FGF14: variants seen among roughly 807,000 people sequenced by gnomAD.
The protein encoded by FGF14 is fibroblast growth factor homologous factor 4.
In FGF14, 5 loss-of-function variants were observed where a neutral mutation model predicts 25.5. The ratio of observed to expected loss-of-function variants is 0.20; its 90% CI spans 0.10 to 0.41. The LOEUF (loss-of-function observed/expected upper bound fraction) is 0.41. Among genes scored for constraint, FGF14 ranks in the 10% least tolerant of loss-of-function variants. The pLI is 1.00. For missense variants in FGF14, 222 were observed against 320.1 expected, an observed-to-expected ratio of 0.69 and a Z score of 2.34; for synonymous variants, 138 against 118.3, an observed-to-expected ratio of 1.17 and a Z score of -1.08.
chr13:101,835,345 G>T (rs1246021834), intron 3 of FGF14, among the ~76,000 whole-genome samples: 7 of 151,898 alleles, frequency 4.6e-5, no homozygotes, highest in Admixed American at 4.6e-4. Flanking sequence ...CTGGACAGTT[G>T]CACATTTTTT....
At position 101,868,799 on chromosome 13, in the gene FGF14, G is replaced by A. The variant is rs990942466; in HGVS notation, c.334C>T (p.Arg112Cys). Residue 112 changes from arginine (R) to cysteine (C), a missense_variant, in exon 3 of 5, where the codon CGT becomes TGT. Arg to Cys is a radical substitution (Grantham distance 180). Coordinates refer to ENST00000376143, the MANE Select transcript of FGF14 (RefSeq NM_004115.4). The stretch of plus-strand genomic sequence containing the variant: ...TTCACTCCCTGGATGGCAACAACAC[G>A]TAGTCCCACTGGTATGAGGTTGAAG... The part of the protein sequence containing the change: ...TLFNLIPVGL[R>C]VVAIQGVKTG... 1 of 1,613,452 alleles carries A rather than the reference G, an allele frequency of 6.2e-7. No individual in the cohort carries two copies. Among genetic ancestry groups the A allele is most frequent in the Non-Finnish European group, 8.5e-7 (1 of 1,179,430 alleles).
intron 1 of FGF14, among the ~76,000 whole-genome samples, chr13:102,269,685 C>A (rs2053153599): frequency 6.6e-6 from 1 of 152,112 alleles, no homozygotes; most frequent in South Asian, 2.1e-4. Flanking sequence ...CCATCACACC[C>A]AGCTCCACCC....
At chr13:101,812,038 T>C (rs1195585307) in intron 3 of FGF14, among the ~76,000 whole-genome samples, 1 of 152,202 alleles carries the variant, frequency 6.6e-6, no homozygotes, top group African/African-American at 2.4e-5. Context: ...CTGTCATATC[T>C]GATTTCAAAA....
At position 101,963,587 on chromosome 13, in the gene FGF14, T is replaced by C. The variant is rs1447181126; in HGVS notation, c.209-88291A>G. ...GCAATAGCTCTTCATTTTCTACACA[T>C]AAATGCATGAGCTCCTGACCATGGC... On this transcript the variant is annotated intron_variant, in intron 1 of 4. Transcript: ENST00000376131. Among the ~76,000 whole-genome samples, 3 of 152,212 alleles carry C rather than the reference T, an allele frequency of 2.0e-5. No homozygotes were observed. In the East Asian group the frequency reaches 5.8e-4, roughly 29 times the overall value.
At chr13:102,226,524 A>T (rs1377254673) in intron 1 of FGF14, among the ~76,000 whole-genome samples, 1 of 152,126 alleles carries the variant, frequency 6.6e-6, no homozygotes, top group Non-Finnish European at 1.5e-5. Context: ...TATTTTTGAG[A>T]TGTTCTTCAA....
At chr13:101,981,311 G>A (rs1034871568) in intron 1 of FGF14, among the ~76,000 whole-genome samples, 1 of 152,004 alleles carries the variant, frequency 6.6e-6, no homozygotes, top group Non-Finnish European at 1.5e-5. Flanking sequence ...GCCCCAGTAA[G>A]CTGCCTTGCC....
chr13:101,938,048 G>A (rs905492918), intron 1 of FGF14, among the ~76,000 whole-genome samples: 5 of 152,230 alleles, frequency 3.3e-5, no homozygotes, highest in Non-Finnish European at 5.9e-5. Flanking sequence ...GAATAGACAA[G>A]CAATGGCTTT....
chr13:101,862,694 GATGTTGAA>G (rs1413579785), intron 3 of FGF14, among the ~76,000 whole-genome samples: 4 of 152,040 alleles, frequency 2.6e-5, no homozygotes, highest in Admixed American at 2.6e-4. Flanking sequence ...ACGAATGCTG[GATGTTGAA>G]ATTAGCATTA....
intron 1 of FGF14, among the ~76,000 whole-genome samples, chr13:102,366,964 CTT>C (rs967348410): frequency 1.1e-4 from 16 of 152,048 alleles, no homozygotes; most frequent in African/African-American, 3.6e-4. Context: ...ATTTAGCTAA[CTT>C]AAAAACTCAC....
intron 1 of FGF14, among the ~76,000 whole-genome samples, chr13:102,243,251 C>T (rs1017744300): frequency 1.3e-5 from 2 of 152,038 alleles, no homozygotes; most frequent in Non-Finnish European, 2.9e-5. Context: ...CTTTAAGTGA[C>T]GGTCTCTTTG....
chr13:102,044,156 C>G (rs895163314), intron 1 of FGF14, among the ~76,000 whole-genome samples: 1 of 152,174 alleles, frequency 6.6e-6, no homozygotes. Flanking sequence ...GGGGTCAAGA[C>G]CCGGTTGGCC....
chr13:101,801,211 G>C (rs2040848465), intron 3 of FGF14, among the ~76,000 whole-genome samples: 1 of 152,130 alleles, frequency 6.6e-6, no homozygotes, highest in Admixed American at 6.6e-5. Flanking sequence ...CAAGGTCTTT[G>C]TCTACAAGGA....
chr13:102,272,283 G>A (rs182528543), intron 1 of FGF14, among the ~76,000 whole-genome samples: 9 of 152,072 alleles, frequency 5.9e-5, no homozygotes, highest in African/African-American at 1.7e-4. Context: ...AAGCTTTCCC[G>A]GACAACTCAT....
At chr13:102,196,367 T>C (rs2049350758) in intron 1 of FGF14, among the ~76,000 whole-genome samples, 1 of 152,064 alleles carries the variant, frequency 6.6e-6, no homozygotes, top group African/African-American at 2.4e-5. Flanking sequence ...GAGAAATGAA[T>C]GAGTCAATTG....
intron 3 of FGF14, among the ~76,000 whole-genome samples, chr13:101,758,883 G>A (rs538051051): frequency 6.6e-6 from 1 of 152,122 alleles, no homozygotes; most frequent in South Asian, 2.1e-4. Flanking sequence ...TCTGATGTAG[G>A]TGTTGTTTCC....
intron 1 of FGF14, among the ~76,000 whole-genome samples, chr13:102,222,860 C>T (rs76990695): frequency 6.6e-6 from 1 of 152,092 alleles, no homozygotes; most frequent in Non-Finnish European, 1.5e-5. Context: ...CTGTCCAGCC[C>T]GAAGTGCTGA....
intron 1 of FGF14, among the ~76,000 whole-genome samples, chr13:102,058,944 AACT>A (rs760770809): frequency 9.3e-6 from 1 of 108,048 alleles, no homozygotes; most frequent in African/African-American, 4.6e-5. Context: ...CATCAGTCTT[AACT>A]AAAAAAAAAA....
intron 1 of FGF14, among the ~76,000 whole-genome samples, chr13:102,259,689 C>A (rs1234514398): frequency 6.6e-6 from 1 of 152,132 alleles, no homozygotes; most frequent in Non-Finnish European, 1.5e-5. Flanking sequence ...CTAGAACAGT[C>A]TAGGTTCGCC....
chr13:102,099,423 C>T (rs1401816381), intron 1 of FGF14, among the ~76,000 whole-genome samples: 1 of 152,188 alleles, frequency 6.6e-6, no homozygotes, highest in Non-Finnish European at 1.5e-5. Flanking sequence ...GCCTCTTAAC[C>T]ACACAAGGGT....
Sources: gnomAD v4.1 joint callset for allele counts (sites outside exome capture counted in the v4.1 genomes callset) on GRCh38, gnomAD v4.1.1 for gene constraint, MANE v1.5 for transcripts, NCBI Gene and HGNC (gene_info 2026-07-23, HGNC 2026-07-21) for gene names.